The following EPHA8 variants were observed in gnomAD, a reference collection of about 807,000 sequenced individuals.
The protein encoded by EPHA8 is EPH receptor A8.
EPHA8 carries 58 observed loss-of-function variants against 103.6 expected under a neutral mutation model. The observed-to-expected ratio is 0.56, with a 90% CI of 0.45 to 0.70. The LOEUF is 0.70. Ranked by LOEUF, EPHA8 falls within the 30% of genes least tolerant of loss-of-function variation. EPHA8 has a pLI of 0.00. For missense variants in EPHA8, 1,304 were observed against 1,395.2 expected (o/e 0.93, Z 1.04); for synonymous variants, 559 against 572.5 (o/e 0.98, Z 0.34).
intron 2 of EPHA8, among the ~76,000 whole-genome samples, chr1:22,575,808 A>T (rs912197753): frequency 1.3e-5 from 2 of 152,086 alleles, no homozygotes; most frequent in Non-Finnish European, 2.9e-5. Context: ...TATTAGAAAG[A>T]TTCCTCTGGC....
Position 22,581,221 on chromosome 1 carries a change from C to T in EPHA8, c.823+4341C>T, listed in dbSNP as rs149529207. On this transcript the variant is annotated intron_variant, in intron 3 of 16. Coordinates refer to ENST00000166244, the MANE Select transcript of EPHA8 (RefSeq NM_020526.5). ...CACCTTCAATTGCTTCCTCTGTGCA[C>T]AAAGCCCTCTGCAAAGCCCCACTTC... Among the ~76,000 whole-genome samples, 12 of 152,284 alleles carry T rather than the reference C, an allele frequency of 7.9e-5. No homozygotes were observed. The East Asian group carries it at 2.1e-3, about 27-fold the overall frequency.
rs199509640 is a variant in EPHA8 at position 22,578,561 on chromosome 1, T to TTG, written c.823+1683_823+1684dup. Among the ~76,000 whole-genome samples the TTG allele has an allele frequency of 7.2e-3, 969 of 134,290 alleles. 8 individuals carry two copies. Among genetic ancestry groups the TTG allele is most frequent in the East Asian group, 0.031 (124 of 4,028 alleles). 88.1% of individuals were successfully genotyped at this position (134,290 alleles called of 152,430 possible). On this transcript the variant is annotated intron_variant, in intron 3 of 16. Transcript: ENST00000166244. ...TGCATGTGTGCGTGAGTGTGCACAT[T>TTG]TGTTAGTGTCTGCATGTGTGCATGA...
Position 22,599,032 on chromosome 1 carries a change from T to TGCCTACACCACCACGGTGCGTC in EPHA8, c.2377_2388+10dup. On this transcript the variant is annotated frameshift_variant, in exon 13 of 17. Coordinates refer to ENST00000166244, the MANE Select transcript of EPHA8 (RefSeq NM_020526.5). LOFTEE classifies it high-confidence loss of function. ...GGGTGCTGGAGGACGACCCGGATGC[T>TGCCTACACCACCACGGTGCGTC]GCCTACACCACCACGGTGCGTCGCC... 10 of 1,606,886 alleles carry TGCCTACACCACCACGGTGCGTC rather than the reference T, an allele frequency of 6.2e-6. No homozygotes were observed. The highest frequency in any genetic ancestry group is 7.6e-6 in the Non-Finnish European group (9 of 1,177,286).
chr1:22,598,887 G>A lies in EPHA8; in HGVS notation c.2228G>A (p.Gly743Glu). The A allele has an allele frequency of 3.7e-6, 6 of 1,613,120 alleles. No homozygotes were observed. The highest frequency in any genetic ancestry group is 5.1e-6 in the Non-Finnish European group (6 of 1,179,970). Residue 743 changes from glycine to glutamate, a missense_variant, in exon 13 of 17, where the codon GGA (glycine) becomes GAA (glutamate). Physicochemically the swap from Gly to Glu is moderately conservative, Grantham distance 98 (BLOSUM62 -2). Coordinates refer to ENST00000166244, the MANE Select transcript of EPHA8 (RefSeq NM_020526.5). This position sits in a 1 kb window ranked among gnomAD's most constrained non-coding sequence, Gnocchi z 5.1. The part of the protein sequence containing the change: ...TIMQLVGMLR[G>E]VGAGMRYLSD... The stretch of plus-strand genomic sequence containing the variant: ...ATGCAGCTGGTGGGCATGCTGAGAG[G>A]AGTGGGTGCCGGCATGCGCTACCTC...
At chr1:22,585,391 C>T (rs907144091) in intron 3 of EPHA8, among the ~76,000 whole-genome samples, 6 of 152,180 alleles carry the variant, frequency 3.9e-5, no homozygotes, top group South Asian at 4.1e-4. Context: ...ACTCCCTCAA[C>T]CTAGGGTATC....
intron 7 of EPHA8, among the ~76,000 whole-genome samples, chr1:22,594,600 CA>C (rs1194733079): frequency 6.6e-6 from 1 of 152,238 alleles, no homozygotes; most frequent in African/African-American, 2.4e-5. Flanking sequence ...CAGCCGGAGT[CA>C]GGGTCTCCTG....
intron 7 of EPHA8, among the ~76,000 whole-genome samples, chr1:22,594,792 T>G (rs1034692767): frequency 6.6e-6 from 1 of 152,204 alleles, no homozygotes; most frequent in African/African-American, 2.4e-5. Flanking sequence ...CCTCGAGTTC[T>G]CTGAGCCTCT....
Position 22,600,922 on chromosome 1 carries a change from T to C in EPHA8, c.2563T>C (p.Tyr855His). 1 of 1,609,896 alleles carries C rather than the reference T, an allele frequency of 6.2e-7. No individual in the cohort carries two copies. Among genetic ancestry groups the C allele is most frequent in the Non-Finnish European group, 8.5e-7 (1 of 1,178,250 alleles). The change falls in exon 15 of 17, where the codon TAC becomes CAC. Residue 855 changes from tyrosine (Y) to histidine (H), a missense_variant. Tyr to His is a moderately conservative substitution (Grantham distance 83, BLOSUM62 2). Transcript: ENST00000166244. ...GGTCATCAGCTCTGTGGAGGAGGGG[T>C]ACCGCCTGCCCGCACCCATGGGCTG... The part of the protein sequence containing the change: ...RDVISSVEEG[Y>H]RLPAPMGCPH...
rs209750 is a variant in EPHA8, at chr1:22,567,443, C to A, written c.95-1846C>A. Among the ~76,000 whole-genome samples, 37,393 of 151,992 alleles carry A rather than the reference C, an allele frequency of 0.25. 6,598 individuals are homozygous for A. Among genetic ancestry groups the A allele is most frequent in the African/African-American group, 0.51 (21,215 of 41,416 alleles). ...GCGGGAAGCCTTCTCTCTGCCTCTG[C>A]CCCTGGCGTGGGGCCGGCTTGGGGA... On this transcript the variant is annotated intron_variant, in intron 1 of 16. Transcript: ENST00000166244. The surrounding 1 kb of genome is among the most constrained non-coding windows in gnomAD (Gnocchi z 4.2).
intron 13 of EPHA8, among the ~76,000 whole-genome samples, chr1:22,599,647 GAAGGAAGGAAAGGAGGGAGGGAGGA>G (rs1641626078): frequency 9.3e-5 from 6 of 64,420 alleles, no homozygotes; most frequent in African/African-American, 3.8e-4. Context: ...GGGAGGGAGG[GAAGGAAGGAAAGGAGGGAGGGAGGA>G]AGGAGGGAAG....
intron 1 of EPHA8, among the ~76,000 whole-genome samples, chr1:22,566,325 C>T (rs1640357362): frequency 6.6e-6 from 1 of 152,350 alleles, no homozygotes; most frequent in South Asian, 2.1e-4. Flanking sequence ...TGCGCTGCGT[C>T]CTCAGGGAAT....
chr1:22,578,203 CGAGTGTGTGCGTGT>C (rs1254944721), intron 3 of EPHA8, among the ~76,000 whole-genome samples: 125 of 77,220 alleles, frequency 1.6e-3, no homozygotes, highest in Middle Eastern at 0.017. Context: ...TGTGTGCGTG[CGAGTGTGTGCGTGT>C]GAGTGTGCAT....
rs747411921 is a variant in EPHA8 at position 22,600,733 on chromosome 1, G to C, written c.2461G>C (p.Val821Leu). 2.5e-6 allele frequency: 4 copies of C among 1,613,564 alleles called. No individual in the cohort carries two copies. Among genetic ancestry groups the C allele is most frequent in the Admixed American group, 1.7e-5 (1 of 59,992 alleles). ...AFRTFSSASD[V>L]WSFGVVMWEV... ...CCGCACCTTCTCCTCGGCCAGCGAC[G>C]TGTGGAGCTTCGGCGTGGTCATGTG... Residue 821 changes from valine (V) to leucine (L), a missense_variant, in exon 14 of 17, where the codon GTG (valine) becomes CTG (leucine). Coordinates refer to ENST00000166244, the MANE Select transcript of EPHA8 (RefSeq NM_020526.5).
chr1:22,578,078 CAT>C (rs1435443304), intron 3 of EPHA8, among the ~76,000 whole-genome samples: 5 of 21,922 alleles, frequency 2.3e-4, no homozygotes, highest in Non-Finnish European at 4.4e-4. Context: ...AGTATGTATG[CAT>C]GTGTGTGCAT....
At chr1:22,565,211 G>T (rs1369331602) in intron 1 of EPHA8, among the ~76,000 whole-genome samples, 2 of 152,202 alleles carry the variant, frequency 1.3e-5, no homozygotes, top group Non-Finnish European at 1.5e-5. Context: ...TTGCATCCAT[G>T]CCCACGGAAA....
chr1:22,589,429 C>T lies in EPHA8; in HGVS notation c.1315+223C>T, dbSNP rs191606962. 8.0e-6 allele frequency: 12 copies of T among 1,497,952 alleles called. No homozygotes were observed. In the East Asian group the frequency reaches 2.3e-4, roughly 29 times the overall value. The allele number at this position is 1,497,952 out of a possible 1,614,324, so 92.8% of individuals were successfully genotyped here. A position where few individuals can be genotyped will look rare whatever the true frequency, so the allele number is the denominator to read the frequency against. ...AAGAGAAATCCCAAAAGCTCAGAGGCAGGCTAGTGTGGCCGTCGAAAGCCT... is the reference window on the plus strand; with the variant it reads ...AAGAGAAATCCCAAAAGCTCAGAGGTAGGCTAGTGTGGCCGTCGAAAGCCT... On this transcript the variant is annotated intron_variant, in intron 5 of 16. Transcript: ENST00000166244. This position sits in a 1 kb window ranked among gnomAD's most constrained non-coding sequence, Gnocchi z 4.3.
intron 5 of EPHA8, among the ~76,000 whole-genome samples, chr1:22,592,308 G>T (rs1307569594): frequency 6.6e-6 from 1 of 152,078 alleles, no homozygotes; most frequent in East Asian, 1.9e-4. Context: ...TGCAAACAGT[G>T]GCCTCATCGA....
chr1:22,600,745 G>A lies in EPHA8; in HGVS notation c.2473G>A (p.Gly825Ser), dbSNP rs369148933. Reference sequence around the variant, plus strand: ...CTCGGCCAGCGACGTGTGGAGCTTCGGCGTGGTCATGTGGGAGGTGCTGGC... The same window carrying A: ...CTCGGCCAGCGACGTGTGGAGCTTCAGCGTGGTCATGTGGGAGGTGCTGGC... ...FSSASDVWSF[G>S]VVMWEVLAYG... is the part of the protein sequence containing the mutation. Residue 825 changes from glycine (G) to serine (S), a missense_variant, in exon 14 of 17, where the codon GGC becomes AGC. Transcript: ENST00000166244. 4.6e-5 allele frequency: 74 copies of A among 1,613,230 alleles called. No homozygotes were observed. Among genetic ancestry groups the A allele is most frequent in the African/African-American group, 6.7e-5 (5 of 74,902 alleles).
At chr1:22,592,285 C>A (rs987354206) in intron 5 of EPHA8, among the ~76,000 whole-genome samples, 3 of 152,120 alleles carry the variant, frequency 2.0e-5, no homozygotes, top group Non-Finnish European at 4.4e-5. Context: ...AGAGACACAC[C>A]CTGTGTGTCC....
Sources: gnomAD v4.1 joint callset for allele counts (sites outside exome capture counted in the v4.1 genomes callset) on GRCh38, gnomAD v4.1.1 for gene constraint, Gnocchi (gnomAD v3.1) non-coding constraint, MANE v1.5 for transcripts, NCBI Gene and HGNC (gene_info 2026-07-23, HGNC 2026-07-21) for gene names.